Variants in HSD17B12 observed in about 807,000 individuals in gnomAD.
HSD17B12 encodes very-long-chain 3-oxoacyl-CoA reductase.
Under a neutral mutation model 39.3 loss-of-function variants are expected in HSD17B12, and 32 were observed. The observed-to-expected ratio is 0.81, with a 90% CI of 0.61 to 1.09. The LOEUF is 1.09. Ranked by LOEUF, HSD17B12 falls within the 50% of genes least tolerant of loss-of-function variation. HSD17B12 has a pLI of 0.00. For synonymous variants in HSD17B12, 150 were observed against 146.7 expected (o/e 1.02, Z -0.16); for missense variants, 342 against 382.9 (o/e 0.89, Z 0.89).
chr11:43,710,362 G>C (rs1950053555), intron 1 of HSD17B12, among the ~76,000 whole-genome samples: 1 of 152,126 alleles, frequency 6.6e-6, no homozygotes, highest in Non-Finnish European at 1.5e-5. Context: ...TTTTAAAGCA[G>C]GGATCCTTGC....
At chr11:43,686,085 T>C (rs978938533) in intron 1 of HSD17B12, among the ~76,000 whole-genome samples, 2 of 152,242 alleles carry the variant, frequency 1.3e-5, no homozygotes, top group African/African-American at 4.8e-5. Flanking sequence ...TGCTATTTTC[T>C]GTTTATCGCT....
chr11:43,635,645 T>C, the HSD17B12 span, among the ~76,000 whole-genome samples: 1 of 152,198 alleles, frequency 6.6e-6, no homozygotes, highest in Admixed American at 6.5e-5. Context: ...GCATGGGAAC[T>C]TGAAAGAGAA....
intron 4 of HSD17B12, 25 bp downstream of exon 4, chr11:43,798,452 GGTTCTTCTT>G (rs758236664): frequency 1.5e-6 from 2 of 1,369,756 alleles, no homozygotes; most frequent in Non-Finnish European, 1.0e-6. Flanking sequence ...CACATTTATA[GGTTCTTCTT>G]GTATTTATTA....
chr11:43,785,981 G>A (rs942146026), intron 3 of HSD17B12, among the ~76,000 whole-genome samples: 2 of 152,086 alleles, frequency 1.3e-5, no homozygotes, highest in African/African-American at 4.8e-5. Flanking sequence ...AGCTGATGGG[G>A]GTGGATACAA....
At chr11:43,727,925 G>C (rs1425043357) in intron 1 of HSD17B12, among the ~76,000 whole-genome samples, 1 of 151,892 alleles carries the variant, frequency 6.6e-6, no homozygotes, top group Non-Finnish European at 1.5e-5. Context: ...TTTTTTGTTT[G>C]TTTCATTTCT....
intron 1 of HSD17B12, among the ~76,000 whole-genome samples, chr11:43,685,176 G>T (rs1053307141): frequency 3.9e-5 from 6 of 152,242 alleles, no homozygotes; most frequent in Admixed American, 2.0e-4. Flanking sequence ...GATGGAACTC[G>T]TTTGGCTTTG....
chr11:43,700,371 G>A (rs967366801), intron 1 of HSD17B12, among the ~76,000 whole-genome samples: 1 of 152,056 alleles, frequency 6.6e-6, no homozygotes, highest in Non-Finnish European at 1.5e-5. Flanking sequence ...AAACAAAAAT[G>A]TACAATTAAG....
chr11:43,785,309 T>C (rs1389309821), intron 3 of HSD17B12, among the ~76,000 whole-genome samples: 2 of 152,184 alleles, frequency 1.3e-5, no homozygotes, highest in Non-Finnish European at 2.9e-5. Context: ...TATTCATATC[T>C]AGCAAGGACA....
At chr11:43,692,706 T>C (rs1280175384) in intron 1 of HSD17B12, among the ~76,000 whole-genome samples, 1 of 152,190 alleles carries the variant, frequency 6.6e-6, no homozygotes, top group East Asian at 1.9e-4. Context: ...TTCTAGAGTG[T>C]GTTGACCAAA....
At chr11:43,790,546 T>G (rs1950858071) in intron 3 of HSD17B12, among the ~76,000 whole-genome samples, 1 of 152,226 alleles carries the variant, frequency 6.6e-6, no homozygotes, top group Admixed American at 6.5e-5. Flanking sequence ...GTGCTCTTTT[T>G]CTGATCTGAT....
intron 1 of HSD17B12, among the ~76,000 whole-genome samples, chr11:43,737,946 G>A (rs535146609): frequency 6.6e-6 from 1 of 151,660 alleles, no homozygotes; most frequent in African/African-American, 2.4e-5. Context: ...GGTGGCGGGC[G>A]CCTGTAGTCC....
At chr11:43,578,325 T>G in the HSD17B12 span, among the ~76,000 whole-genome samples, 2 of 152,152 alleles carry the variant, frequency 1.3e-5, no homozygotes, top group Non-Finnish European at 2.9e-5. Flanking sequence ...CCTCTGGCTT[T>G]AGTGACCTGA....
At chr11:43,727,275 T>C (rs1950230193) in intron 1 of HSD17B12, among the ~76,000 whole-genome samples, 1 of 152,176 alleles carries the variant, frequency 6.6e-6, no homozygotes, top group African/African-American at 2.4e-5. Context: ...CAATGTAAAA[T>C]ATTACAGCAG....
chr11:43,778,164 T>C (rs1300302141), intron 3 of HSD17B12, among the ~76,000 whole-genome samples: 1 of 152,046 alleles, frequency 6.6e-6, no homozygotes, highest in Admixed American at 6.5e-5. Context: ...TCACCACCGA[T>C]CCCACAGAAA....
chr11:43,850,624 C>G (rs554693173), intron 9 of HSD17B12, among the ~76,000 whole-genome samples: 1 of 152,344 alleles, frequency 6.6e-6, no homozygotes, highest in African/African-American at 2.4e-5. Flanking sequence ...ATCCCTGATT[C>G]TTGAATATCT....
chr11:43,706,101 G>T (rs913945693), intron 1 of HSD17B12, among the ~76,000 whole-genome samples: 1 of 152,114 alleles, frequency 6.6e-6, no homozygotes, highest in Non-Finnish European at 1.5e-5. Context: ...CTGGTGGGGT[G>T]GGGGTGTGTC....
chr11:43,672,193 C>T, the HSD17B12 span, among the ~76,000 whole-genome samples: 4 of 152,240 alleles, frequency 2.6e-5, no homozygotes, highest in South Asian at 2.1e-4. Flanking sequence ...GGACTACAGG[C>T]GCCCGCCACC....
the HSD17B12 span, among the ~76,000 whole-genome samples, chr11:43,601,889 CA>C: frequency 6.6e-6 from 1 of 152,166 alleles, no homozygotes; most frequent in Admixed American, 6.5e-5. Context: ...GACTTATCAC[CA>C]GAGCTTTTGA....
At chr11:43,634,921 G>C in the HSD17B12 span, among the ~76,000 whole-genome samples, 1 of 152,182 alleles carries the variant, frequency 6.6e-6, no homozygotes, top group African/African-American at 2.4e-5. Flanking sequence ...GAAAAAATTA[G>C]AATATGGCCT....
Sources: allele counts gnomAD v4.1 joint callset (sites outside exome capture counted in the v4.1 genomes callset), GRCh38; gene constraint gnomAD v4.1.1; transcripts MANE v1.5; gene names NCBI Gene and HGNC (gene_info 2026-07-23, HGNC 2026-07-21).